Variants in VWA5B2 observed in about 807,000 individuals in gnomAD.
The protein encoded by VWA5B2 is von Willebrand factor A domain containing 5B2.
In VWA5B2, 93 loss-of-function variants were observed where a neutral mutation model predicts 118.5. The observed-to-expected ratio is 0.79, with a 90% CI of 0.66 to 0.93. VWA5B2 has a LOEUF of 0.93. Ranked by LOEUF, VWA5B2 falls within the 40% of genes least tolerant of loss-of-function variation. The pLI, the probability that VWA5B2 is intolerant of heterozygous loss-of-function variation, is 0.00. For synonymous variants in VWA5B2, 708 were observed against 716.3 expected (o/e 0.99, Z 0.19); for missense variants, 1,546 against 1,672.8 (o/e 0.92, Z 1.32).
intron 3 of VWA5B2, chr3:184,232,939 T>C: frequency 1.8e-6 from 1 of 557,962 alleles, no homozygotes. Flanking sequence ...AGCCTTCCAT[T>C]AGCAAGGATG....
At position 184,241,480 on chromosome 3, in the gene VWA5B2, C is replaced by G; in HGVS notation, c.3181-10C>G. 6.4e-7 allele frequency: 1 copy of G among 1,551,784 alleles called. No homozygotes were observed. Among genetic ancestry groups the G allele is most frequent in the Non-Finnish European group, 8.7e-7 (1 of 1,146,316 alleles). On this transcript the variant is annotated splice_polypyrimidine_tract_variant and intron_variant, in intron 19 of 19. Transcript: ENST00000691901. The surrounding 1 kb of genome is among the most constrained non-coding windows in gnomAD (Gnocchi z 5.1). Reference sequence around the variant, plus strand: ...CAGCTCGCTTCTCCCCCCACCTCCTCTCTCCTCAGGTGCGGCTGCAGGAGG... The same window carrying G: ...CAGCTCGCTTCTCCCCCCACCTCCTGTCTCCTCAGGTGCGGCTGCAGGAGG...
intron 2 of VWA5B2, 40 bp downstream of exon 2, chr3:184,230,707 C>T (rs1717297416): frequency 1.9e-5 from 23 of 1,225,126 alleles, no homozygotes; most frequent in Non-Finnish European, 2.3e-5. Context: ...GGGGGGTGCG[C>T]CGGGCAGGGT....
chr3:184,232,662 A>C (rs1717513107), intron 3 of VWA5B2: 1 of 159,968 alleles, frequency 6.3e-6, no homozygotes, highest in Non-Finnish European at 1.4e-5. Flanking sequence ...ATGGAGCTTT[A>C]TGTCCTCCAG....
chr3:184,229,902 G>C (rs562863762), intron 1 of VWA5B2, among the ~76,000 whole-genome samples, 189 bp downstream of exon 1: 1 of 152,106 alleles, frequency 6.6e-6, no homozygotes, highest in Non-Finnish European at 1.5e-5. Flanking sequence ...GCCTCCCAAA[G>C]ACCCCCTCTT....
Position 184,230,442 on chromosome 3 carries a change from G to T in VWA5B2, c.-87G>T. On this transcript the variant is annotated 5_prime_UTR_variant, in exon 2 of 20. Transcript: ENST00000691901. ...CCGGGTGCTGGAGTGAGACTCTCGC[G>T]CTGGCCTCTGGAGCGCGGGGTGGGC... is the stretch of plus-strand genomic sequence containing the variant. 7.5e-7 allele frequency: 1 copy of T among 1,326,782 alleles called. No individual in the cohort carries two copies. The highest frequency in any genetic ancestry group is 9.6e-7 in the Non-Finnish European group (1 of 1,038,500). The allele number at this position is 1,326,782 out of a possible 1,614,324, so 82.2% of individuals were successfully genotyped here.
chr3:184,230,470 C>T lies in VWA5B2; in HGVS notation c.-59C>T. The T allele has an allele frequency of 2.2e-6, 3 of 1,384,572 alleles. No homozygotes were observed. The highest frequency in any genetic ancestry group is 9.3e-7 in the Non-Finnish European group (1 of 1,079,504). 85.8% of individuals were successfully genotyped at this position (1,384,572 alleles called of 1,614,324 possible). A position where few individuals can be genotyped will look rare whatever the true frequency, so the allele number is the denominator to read the frequency against. On this transcript the variant is annotated 5_prime_UTR_variant, in exon 2 of 20. Coordinates refer to ENST00000691901, the MANE Select transcript of VWA5B2 (RefSeq NM_001390846.1). ...GGCCTCTGGAGCGCGGGGTGGGCGT[C>T]CCGTCACCCTGCGCCCAGCTTCCCC...
intron 16 of VWA5B2, 100 bp downstream of exon 16, chr3:184,240,136 T>A: frequency 1.1e-6 from 1 of 945,974 alleles, no homozygotes; most frequent in Non-Finnish European, 1.5e-6. Flanking sequence ...CTCGCTTTGA[T>A]CACAAAGGAT....
chr3:184,242,232 C>T lies in VWA5B2; in HGVS notation c.*194C>T. 1 of 760,856 alleles carries T rather than the reference C, an allele frequency of 1.3e-6. No individual in the cohort carries two copies. The highest frequency in any genetic ancestry group is 2.1e-6 in the Non-Finnish European group (1 of 465,902). The allele number at this position is 760,856 out of a possible 1,614,324, so 47.1% of individuals were successfully genotyped here. On this transcript the variant is annotated 3_prime_UTR_variant, in exon 20 of 20. Transcript: ENST00000691901. ...GTGCTCTCTCCCTCTCCTCCCACCCCACTCACACTCCCCTCCATCCTCTGA... is the reference window on the plus strand; with the variant it reads ...GTGCTCTCTCCCTCTCCTCCCACCCTACTCACACTCCCCTCCATCCTCTGA...
Position 184,236,390 on chromosome 3 carries a change from G to A in VWA5B2, c.1260G>A (p.Pro420=), listed in dbSNP as rs1261140674. Residue 420 remains proline (P), a synonymous_variant, in exon 10 of 20, where the codon CCG becomes CCA. Transcript: ENST00000691901. ...ICESIETLQV[P]SGPPDVLAAL... ...AGAGCATTGAGACCCTGCAGGTTCCGAGTGGGCCCCCAGACGTGCTGGCTG... is the reference window on the plus strand; with the variant it reads ...AGAGCATTGAGACCCTGCAGGTTCCAAGTGGGCCCCCAGACGTGCTGGCTG... 12 of 1,546,226 alleles carry A rather than the reference G, an allele frequency of 7.8e-6. No individual in the cohort carries two copies. Among genetic ancestry groups the A allele is most frequent in the East Asian group, 4.9e-5 (2 of 40,810 alleles).
Position 184,239,004 on chromosome 3 carries a change from T to G in VWA5B2, c.2202+131T>G. ...AGAAAGGTGGGTAAATCCCCAACGA[T>G]ACCATGTAACAACCAGTGATGAGCA... On this transcript the variant is annotated intron_variant, in intron 14 of 19. Coordinates refer to ENST00000691901, the MANE Select transcript of VWA5B2 (RefSeq NM_001390846.1). This position sits in a 1 kb window ranked among gnomAD's most constrained non-coding sequence, Gnocchi z 5.1. 5 of 1,003,918 alleles carry G rather than the reference T, an allele frequency of 5.0e-6. No individual in the cohort carries two copies. The highest frequency in any genetic ancestry group is 7.1e-6 in the Non-Finnish European group (5 of 700,260). The allele number at this position is 1,003,918 out of a possible 1,614,324, so 62.2% of individuals were successfully genotyped here.
intron 16 of VWA5B2, 79 bp downstream of exon 16, chr3:184,240,115 ACT>A: frequency 1.8e-6 from 2 of 1,126,930 alleles, no homozygotes; most frequent in Non-Finnish European, 2.4e-6. Context: ...GTGTTTGATC[ACT>A]CTCTATACCT....
intron 2 of VWA5B2, 34 bp downstream of exon 2, chr3:184,230,701 G>T (rs896690847): frequency 2.4e-6 from 3 of 1,226,876 alleles, no homozygotes; most frequent in African/African-American, 3.2e-5. Flanking sequence ...CGCGGCGGGG[G>T]GTGCGCCGGG....
rs1310747301 is a variant in VWA5B2 at position 184,241,339 on chromosome 3, C to T, written c.3115C>T (p.Leu1039Phe). 6.4e-7 allele frequency: 1 copy of T among 1,552,098 alleles called. No homozygotes were observed. The highest frequency in any genetic ancestry group is 8.7e-7 in the Non-Finnish European group (1 of 1,147,344). The change falls in exon 19 of 20, where the codon CTC becomes TTC. Residue 1039 changes from leucine to phenylalanine, a missense_variant. Transcript: ENST00000691901. This position sits in a 1 kb window ranked among gnomAD's most constrained non-coding sequence, Gnocchi z 5.1. Reference protein sequence around the residue: ...CRLSMGRRHKLCSPDPGQANN... With the variant: ...CRLSMGRRHKFCSPDPGQANN... ...GCTCAGCATGGGCCGCCGTCACAAA[C>T]TCTGTAGCCCTGACCCGGGCCAGGC...
chr3:184,232,313 G>A (rs1717480407), intron 3 of VWA5B2, among the ~76,000 whole-genome samples: 2 of 152,182 alleles, frequency 1.3e-5, no homozygotes, highest in Non-Finnish European at 2.9e-5. Context: ...GAACAAGAGA[G>A]CTGCCAAAGG....
In VWA5B2 at chr3:184,240,872, C is replaced by T. The variant is rs758584237; in HGVS notation, c.2822C>T (p.Ala941Val). ...CCCTCCTGCTTCACTTGCCCTGTAGCTGTGGATGCTACTACTAGGGAGGTC... is the reference window on the plus strand; with the variant it reads ...CCCTCCTGCTTCACTTGCCCTGTAGTTGTGGATGCTACTACTAGGGAGGTC... ...SAPSCFTCPV[A>V]VDATTREVLP... The change falls in exon 17 of 20, where the codon GCT becomes GTT. Residue 941 changes from alanine (A) to valine (V), a missense_variant. By Grantham distance (64) the Ala-to-Val change is moderately conservative (BLOSUM62 0). Transcript: ENST00000691901. The T allele has an allele frequency of 1.3e-6, 2 of 1,551,680 alleles. No individual in the cohort carries two copies. Among genetic ancestry groups the T allele is most frequent in the South Asian group, 2.4e-5 (2 of 84,064 alleles).
intron 3 of VWA5B2, chr3:184,232,774 A>C: frequency 1.6e-5 from 3 of 190,466 alleles, no homozygotes; most frequent in Non-Finnish European, 3.2e-5. Context: ...AGGAGCAGGA[A>C]ATTTATGAGC....
At chr3:184,231,005 C>T in intron 3 of VWA5B2, 88 bp downstream of exon 3, 1 of 1,194,838 alleles carries the variant, frequency 8.4e-7, no homozygotes, top group Non-Finnish European at 1.0e-6. Flanking sequence ...CGTCCCCCGC[C>T]TTCCTCCGGG....
At position 184,238,799 on chromosome 3, in the gene VWA5B2, C is replaced by G; in HGVS notation, c.2128C>G (p.Arg710Gly). The part of the protein sequence containing the change: ...PLEPPSQQGC[R>G]SLAWGEPAGS... ...GGAGCCCCCTTCTCAGCAGGGCTGC[C>G]GCAGTCTGGCCTGGGGAGAACCTGC... Residue 710 changes from arginine to glycine, a missense_variant, in exon 14 of 20, where the codon CGC becomes GGC. Around this residue, in one of 3 missense-constraint regions of VWA5B2, gnomAD observed 763 missense variants for 766.6 expected, o/e 1.00. Coordinates refer to ENST00000691901, the MANE Select transcript of VWA5B2 (RefSeq NM_001390846.1). The surrounding 1 kb of genome is among the most constrained non-coding windows in gnomAD (Gnocchi z 5.0). The G allele has an allele frequency of 6.5e-7, 1 of 1,546,576 alleles. No individual in the cohort carries two copies. The highest frequency in any genetic ancestry group is 8.7e-7 in the Non-Finnish European group (1 of 1,143,594).
chr3:184,239,943 G>A lies in VWA5B2; in HGVS notation c.2647G>A (p.Asp883Asn). 5 of 1,551,216 alleles carry A rather than the reference G, an allele frequency of 3.2e-6. No homozygotes were observed. Among genetic ancestry groups the A allele is most frequent in the East Asian group, 2.4e-5 (1 of 40,894 alleles). ...PSPPVREAAW[D>N]QALHRLTAAS... ...ACCTCCTGTAAGAGAAGCTGCTTGGGACCAAGCACTCCATCGGCTGACAGC... is the reference window on the plus strand; with the variant it reads ...ACCTCCTGTAAGAGAAGCTGCTTGGAACCAAGCACTCCATCGGCTGACAGC... Residue 883 changes from aspartate to asparagine, a missense_variant, in exon 16 of 20, where the codon GAC becomes AAC. Physicochemically the swap from Asp to Asn is conservative, Grantham distance 23. Coordinates refer to ENST00000691901, the MANE Select transcript of VWA5B2 (RefSeq NM_001390846.1). The surrounding 1 kb of genome is among the most constrained non-coding windows in gnomAD (Gnocchi z 5.1).
Sources: gnomAD v4.1 joint callset for allele counts (sites outside exome capture counted in the v4.1 genomes callset) on GRCh38, gnomAD v4.1.1 for gene constraint, gnomAD v4.1.1 regional missense constraint, Gnocchi (gnomAD v3.1) non-coding constraint, MANE v1.5 for transcripts, NCBI Gene and HGNC (gene_info 2026-07-23, HGNC 2026-07-21) for gene names.